Variants in SYT17 observed in about 807,000 individuals in gnomAD.
The protein encoded by SYT17 is synaptotagmin 17, also known as synaptotagmin-17.
A neutral mutation model predicts 46.7 loss-of-function variants in SYT17; 22 were observed. That is an observed-to-expected ratio of 0.47 (90% confidence interval 0.34 to 0.67). The LOEUF is 0.67. Among genes scored for constraint, SYT17 ranks in the 30% least tolerant of loss-of-function variants. SYT17 has a pLI of 0.01. For missense variants in SYT17, 519 were observed against 612.8 expected (o/e 0.85, Z 1.62); for synonymous variants, 251 against 248.4 (o/e 1.01, Z -0.10).
At chr16:19,210,564 A>G (rs997265806) in intron 5 of SYT17, among the ~76,000 whole-genome samples, 7 of 150,744 alleles carry the variant, frequency 4.6e-5, no homozygotes, top group Admixed American at 1.3e-4. Context: ...CAATGCAGCT[A>G]TGCAAATACA....
chr16:19,224,195 G>A (rs1279110492), intron 6 of SYT17, among the ~76,000 whole-genome samples: 1 of 152,144 alleles, frequency 6.6e-6, no homozygotes, highest in Non-Finnish European at 1.5e-5. Context: ...AGAAATCCAG[G>A]GCAGGCTCTG....
rs758664400 is a variant in SYT17 at position 19,183,739 on chromosome 16, C to T, written c.543C>T (p.Ser181=). Residue 181 remains serine, a synonymous_variant, in exon 5 of 8, where the codon TCC becomes TCT. Coordinates refer to ENST00000355377, the MANE Select transcript of SYT17 (RefSeq NM_016524.4). This position sits in a 1 kb window ranked among gnomAD's most constrained non-coding sequence, Gnocchi z 5.6. ...VDSLTDEEIL[S]KYQLGMLHFS... is the part of the protein sequence containing the mutation. ...CTCTGACAGACGAGGAGATCCTGTC[C>T]AAGTACCAGCTGGGCATGCTGCACT... 12 of 1,614,208 alleles carry T rather than the reference C, an allele frequency of 7.4e-6. No homozygotes were observed. The highest frequency in any genetic ancestry group is 8.5e-6 in the Non-Finnish European group (10 of 1,180,038).
At chr16:19,205,333 GCC>G (rs1387697176) in intron 5 of SYT17, among the ~76,000 whole-genome samples, 1 of 152,098 alleles carries the variant, frequency 6.6e-6, no homozygotes, top group Non-Finnish European at 1.5e-5. Flanking sequence ...CTACCTCAGG[GCC>G]TTTGCACTAC....
At chr16:19,184,268 T>A in intron 5 of SYT17, 121 bp downstream of exon 5, 2 of 1,361,406 alleles carry the variant, frequency 1.5e-6, no homozygotes, top group African/African-American at 1.5e-5. Context: ...TTGAAATAAT[T>A]TTTGACTCAC....
At chr16:19,169,321 G>C (rs1023863741) in intron 1 of SYT17, among the ~76,000 whole-genome samples, 15 of 151,868 alleles carry the variant, frequency 9.9e-5, no homozygotes, top group African/African-American at 3.1e-4. Context: ...GCCTTTTTTG[G>C]GGGGAGGGGG....
Position 19,173,462 on chromosome 16 carries a change from G to C in SYT17, c.66G>C (p.Leu22=), listed in dbSNP as rs199613222. 1.2e-6 allele frequency: 2 copies of C among 1,605,920 alleles called. No homozygotes were observed. Among genetic ancestry groups the C allele is most frequent in the African/African-American group, 2.8e-5 (2 of 72,288 alleles). ...TTTCTAGAATCTCTGGTCTGCTGCT[G>C]TGCAGATGGACCTGCCGGCACTGCT... ...GFLSRISGLL[L]CRWTCRHCCQ... is the part of the protein sequence containing the mutation. Residue 22 remains leucine (L), a synonymous_variant, in exon 3 of 8, where the codon CTG becomes CTC. Transcript: ENST00000355377.
At chr16:19,230,740 C>T (rs1401732612) in intron 7 of SYT17, among the ~76,000 whole-genome samples, 6 of 152,144 alleles carry the variant, frequency 3.9e-5, no homozygotes, top group African/African-American at 9.7e-5. Context: ...GACTTACTTG[C>T]TGTGTAATCT....
chr16:19,184,148 G>T lies in SYT17; in HGVS notation c.951+1G>T. ...GAAGGCGCTGATTCCCAGTTCTCAG[G>T]TAAGGGATGGGTTTGTGGTGTTTCC... On this transcript the variant is annotated splice_donor_variant, in intron 5 of 7. Coordinates refer to ENST00000355377, the MANE Select transcript of SYT17 (RefSeq NM_016524.4). LOFTEE classifies it high-confidence loss of function. The T allele has an allele frequency of 6.2e-7, 1 of 1,612,544 alleles. No homozygotes were observed.
At chr16:19,244,211 A>C (rs1967358375) in intron 7 of SYT17, among the ~76,000 whole-genome samples, 1 of 152,238 alleles carries the variant, frequency 6.6e-6, no homozygotes, top group Admixed American at 6.5e-5. Context: ...TGAAGCTCAG[A>C]GATCTCATAT....
At chr16:19,242,436 A>G (rs1967200672) in intron 7 of SYT17, among the ~76,000 whole-genome samples, 1 of 152,216 alleles carries the variant, frequency 6.6e-6, no homozygotes, top group South Asian at 2.1e-4. Context: ...AGTGTCCAAA[A>G]CAGTGATCTC....
At chr16:19,246,018 T>G (rs1450674313) in intron 7 of SYT17, among the ~76,000 whole-genome samples, 5 of 151,938 alleles carry the variant, frequency 3.3e-5, no homozygotes, top group Admixed American at 1.3e-4. Flanking sequence ...ATTTATTTTT[T>G]TTTTTGAGAC....
At position 19,226,611 on chromosome 16, in the gene SYT17, G is replaced by C. The variant is rs181043576; in HGVS notation, c.1228+1773G>C. On this transcript the variant is annotated intron_variant, in intron 7 of 7. Coordinates refer to ENST00000355377, the MANE Select transcript of SYT17 (RefSeq NM_016524.4). ...TCTAATGCAGTCTGTGATGGCTGCT[G>C]TCCGGATGGAGTTACAAATAGACAA... Among the ~76,000 whole-genome samples, 498 of 152,298 alleles carry C rather than the reference G, an allele frequency of 3.3e-3. 4 individuals carry two copies. The highest frequency in any genetic ancestry group is 4.5e-3 in the Non-Finnish European group (309 of 68,030).
intron 7 of SYT17, among the ~76,000 whole-genome samples, chr16:19,229,201 G>A (rs142278972): frequency 7.2e-5 from 11 of 152,282 alleles, no homozygotes; most frequent in African/African-American, 2.6e-4. Flanking sequence ...GAAAGAAAGC[G>A]TATTAGTCCG....
intron 5 of SYT17, 36 bp downstream of exon 5, chr16:19,184,183 C>T (rs755917245): frequency 2.6e-6 from 4 of 1,551,856 alleles, no homozygotes. Flanking sequence ...CTCCTGGGAG[C>T]TTTTTTAAAA....
chr16:19,175,800 T>C (rs1964292660), intron 3 of SYT17, among the ~76,000 whole-genome samples: 1 of 152,228 alleles, frequency 6.6e-6, no homozygotes, highest in African/African-American at 2.4e-5. Context: ...AGTTGTTGAC[T>C]GACAGACTAT....
intron 5 of SYT17, among the ~76,000 whole-genome samples, chr16:19,221,618 C>CT (rs1482264395): frequency 1.3e-5 from 2 of 152,118 alleles, no homozygotes; most frequent in African/African-American, 4.8e-5. Context: ...ACTGTTCACC[C>CT]TGTCAGTAGA....
chr16:19,185,153 C>T (rs1380600284), intron 5 of SYT17, among the ~76,000 whole-genome samples: 1 of 151,948 alleles, frequency 6.6e-6, no homozygotes, highest in Non-Finnish European at 1.5e-5. Context: ...TCCCTTTCTC[C>T]CTCCTTCCCC....
In SYT17 at chr16:19,231,299, A is replaced by C. The variant is rs374374592; in HGVS notation, c.1228+6461A>C. Among the ~76,000 whole-genome samples the C allele has an allele frequency of 2.6e-5, 4 of 152,242 alleles. No individual in the cohort carries two copies. The East Asian group carries it at 5.8e-4, about 22-fold the overall frequency. On this transcript the variant is annotated intron_variant, in intron 7 of 7. Transcript: ENST00000355377. ...TCAAAACCCTCTGTATGCTGGGCAC[A>C]GTGGCTCATGCCTGTAATTCCAACA...
chr16:19,207,892 C>T (rs756506959), intron 5 of SYT17, among the ~76,000 whole-genome samples: 6 of 151,774 alleles, frequency 4.0e-5, no homozygotes, highest in South Asian at 2.1e-4. Context: ...AGTGAGACCC[C>T]GTCTGTAACA....
Sources: allele counts gnomAD v4.1 joint callset (sites outside exome capture counted in the v4.1 genomes callset), GRCh38; gene constraint gnomAD v4.1.1; non-coding constraint Gnocchi (gnomAD v3.1); transcripts MANE v1.5; gene names NCBI Gene and HGNC (gene_info 2026-07-23, HGNC 2026-07-21).